The following EYS variants were observed in gnomAD, a reference collection of about 807,000 sequenced individuals.
The protein encoded by EYS is protein eyes shut homolog.
EYS carries 250 observed loss-of-function variants against 282.1 expected under a neutral mutation model. The observed-to-expected ratio is 0.89, with a 90% CI of 0.80 to 0.98. The LOEUF is 0.98. Ranked by LOEUF, EYS falls within the 50% of genes least tolerant of loss-of-function variation. The probability of loss-of-function intolerance (pLI) is 0.00; values close to 1 mark genes in which losing one functional copy is unlikely to be tolerated. For missense variants in EYS, 4,016 were observed against 3,709.0 expected (o/e 1.08, Z -2.15); for synonymous variants, 1,355 against 1,282.9 (o/e 1.06, Z -1.20).
intron 11 of EYS, 177 bp downstream of exon 11, chr6:65,334,803 C>G: frequency 1.7e-6 from 1 of 576,084 alleles, no homozygotes; most frequent in Non-Finnish European, 3.0e-6. Context: ...TTATACATAA[C>G]ATGTATTATG....
intron 12 of EYS, among the ~76,000 whole-genome samples, chr6:65,140,335 A>G (rs1359916866): frequency 6.6e-6 from 1 of 152,022 alleles, no homozygotes; most frequent in Non-Finnish European, 1.5e-5. Flanking sequence ...AATGAATAAT[A>G]GAAAATAAAC....
intron 22 of EYS, among the ~76,000 whole-genome samples, chr6:64,728,296 T>C (rs772507323): frequency 6.6e-6 from 1 of 152,130 alleles, no homozygotes; most frequent in Non-Finnish European, 1.5e-5. Context: ...TAAATACTAA[T>C]AGCTTTAAAT....
At chr6:64,021,862 C>T (rs1340792995) in intron 33 of EYS, among the ~76,000 whole-genome samples, 1 of 152,118 alleles carries the variant, frequency 6.6e-6, no homozygotes. Flanking sequence ...CAGAAACATA[C>T]TATACATATT....
intron 11 of EYS, chr6:65,332,377 G>T (rs879664255): frequency 1.5e-4 from 157 of 1,021,130 alleles, no homozygotes; most frequent in Admixed American, 1.1e-3. Context: ...CTTTCTATAT[G>T]TTGCTGAATT....
chr6:64,105,477 T>A (rs578186791), intron 31 of EYS, among the ~76,000 whole-genome samples: 1 of 152,204 alleles, frequency 6.6e-6, no homozygotes, highest in African/African-American at 2.4e-5. Flanking sequence ...TACGTTGGAG[T>A]TCACTCTTGG....
intron 23 of EYS, among the ~76,000 whole-genome samples, chr6:64,623,509 T>G (rs1327415698): frequency 6.6e-6 from 1 of 152,134 alleles, no homozygotes; most frequent in Non-Finnish European, 1.5e-5. Flanking sequence ...TAAAATAACA[T>G]GGTGTCTATG....
At chr6:64,804,966 C>T (rs889540690) in intron 22 of EYS, among the ~76,000 whole-genome samples, 6 of 152,110 alleles carry the variant, frequency 3.9e-5, no homozygotes, top group African/African-American at 1.4e-4. Flanking sequence ...TCTCAATTTT[C>T]AAATTCCAAC....
intron 19 of EYS, among the ~76,000 whole-genome samples, chr6:64,839,590 C>T (rs914782875): frequency 6.6e-6 from 1 of 151,962 alleles, no homozygotes; most frequent in Non-Finnish European, 1.5e-5. Flanking sequence ...CTAATATGTA[C>T]TGTCTTAGCC....
At chr6:64,150,128 C>T (rs1774653582) in intron 31 of EYS, among the ~76,000 whole-genome samples, 1 of 152,180 alleles carries the variant, frequency 6.6e-6, no homozygotes, top group Non-Finnish European at 1.5e-5. Flanking sequence ...TTAGCATCTC[C>T]TGGGAATTTG....
At chr6:63,917,852 G>C (rs1764465738) in intron 35 of EYS, among the ~76,000 whole-genome samples, 1 of 152,158 alleles carries the variant, frequency 6.6e-6, no homozygotes, top group South Asian at 2.1e-4. Flanking sequence ...AGGGAAAATA[G>C]ATTCTTCAGC....
At chr6:64,441,600 C>T (rs1485757533) in intron 26 of EYS, among the ~76,000 whole-genome samples, 7 of 152,162 alleles carry the variant, frequency 4.6e-5, no homozygotes, top group Admixed American at 3.3e-4. Context: ...TCTGTGTCCC[C>T]ACCCAAATCT....
At chr6:63,978,044 T>C (rs1766922588) in intron 35 of EYS, among the ~76,000 whole-genome samples, 1 of 151,964 alleles carries the variant, frequency 6.6e-6, no homozygotes, top group Non-Finnish European at 1.5e-5. Context: ...CTCTGGAACC[T>C]GCAGGATATT....
chr6:65,287,800 A>C (rs1190790177), intron 12 of EYS, among the ~76,000 whole-genome samples: 1 of 151,250 alleles, frequency 6.6e-6, no homozygotes, highest in Non-Finnish European at 1.5e-5. Context: ...TAAATATTTA[A>C]ATTCACAAAG....
intron 22 of EYS, among the ~76,000 whole-genome samples, chr6:64,807,363 ACCT>A (rs1015991729): frequency 6.6e-6 from 1 of 152,044 alleles, no homozygotes; most frequent in African/African-American, 2.4e-5. Flanking sequence ...CAGAGTACAA[ACCT>A]CCTTAGGCCT....
intron 2 of EYS, among the ~76,000 whole-genome samples, chr6:65,515,447 A>G (rs1767088149): frequency 6.6e-6 from 1 of 151,806 alleles, no homozygotes; most frequent in African/African-American, 2.4e-5. Flanking sequence ...CTGGGTATAT[A>G]CCCAAAGGAC....
intron 31 of EYS, among the ~76,000 whole-genome samples, chr6:64,203,218 C>A (rs1272970480): frequency 2.0e-5 from 3 of 152,164 alleles, no homozygotes; most frequent in Non-Finnish European, 4.4e-5. Context: ...TGACTGGAAG[C>A]CAGTTCGTGA....
At chr6:65,162,911 TTGTGTGTG>T (rs3036015) in intron 12 of EYS, among the ~76,000 whole-genome samples, 3 of 147,286 alleles carry the variant, frequency 2.0e-5, no homozygotes, top group Admixed American at 1.4e-4. Flanking sequence ...CCTGTTCTGT[TTGTGTGTG>T]TGTGTGTGTG....
At chr6:64,371,821 A>T (rs1772383636) in intron 29 of EYS, among the ~76,000 whole-genome samples, 1 of 152,058 alleles carries the variant, frequency 6.6e-6, no homozygotes, top group East Asian at 1.9e-4. Context: ...GTGTTGTCTA[A>T]AATTAAAAGA....
intron 30 of EYS, among the ~76,000 whole-genome samples, chr6:64,283,838 C>A (rs1768397116): frequency 6.6e-6 from 1 of 152,064 alleles, no homozygotes; most frequent in Admixed American, 6.6e-5. Flanking sequence ...CAAGCAGAAA[C>A]CCCTGATAAA....
Sources: gnomAD v4.1 joint callset for allele counts (sites outside exome capture counted in the v4.1 genomes callset) on GRCh38, gnomAD v4.1.1 for gene constraint, MANE v1.5 for transcripts, NCBI Gene and HGNC (gene_info 2026-07-23, HGNC 2026-07-21) for gene names.